The following FBXO33 variants were observed in gnomAD, a reference collection of about 807,000 sequenced individuals.
FBXO33 encodes F-box only protein 33.
FBXO33 carries 22 observed loss-of-function variants against 46.3 expected under a neutral mutation model. The ratio of observed to expected loss-of-function variants is 0.48; its 90% CI spans 0.34 to 0.68. FBXO33 has a LOEUF of 0.68. Ranked by LOEUF, FBXO33 falls within the 30% of genes least tolerant of loss-of-function variation. FBXO33 has a pLI of 0.01. For missense variants in FBXO33, 692 were observed against 708.8 expected (o/e 0.98, Z 0.27); for synonymous variants, 337 against 291.3 (o/e 1.16, Z -1.60).
At chr14:39,414,479 C>T (rs77529561) in intron 1 of FBXO33, among the ~76,000 whole-genome samples, 1,638 of 152,272 alleles carry the variant, frequency 0.011, 35 homozygotes, top group African/African-American at 0.038. Flanking sequence ...AAAACTTTTC[C>T]TTTGCATTCA....
intron 1 of FBXO33, among the ~76,000 whole-genome samples, chr14:39,419,863 A>C (rs975147081): frequency 6.6e-5 from 10 of 152,244 alleles, no homozygotes; most frequent in Non-Finnish European, 1.5e-4. Flanking sequence ...ATAGGATATA[A>C]GCTATTTACT....
At position 39,403,693 on chromosome 14, in the gene FBXO33, T is replaced by A. The variant is rs200178678; in HGVS notation, c.600-1182A>T. ...AAGAGAAAACTCCTAAGTCCAATAA[T>A]AACGAACTAGATATTTCATTTATAA... On this transcript the variant is annotated intron_variant, in intron 1 of 3. Transcript: ENST00000298097. 2.9e-4 allele frequency among the ~76,000 whole-genome samples: 44 copies of A among 152,178 alleles called. No individual in the cohort carries two copies. The East Asian group carries it at 7.1e-3, about 25-fold the overall frequency.
At chr14:39,399,903 T>C in intron 3 of FBXO33, 116 bp from the exon 4 acceptor site, 2 of 1,181,398 alleles carry the variant, frequency 1.7e-6, no homozygotes, top group Non-Finnish European at 2.3e-6. Flanking sequence ...GTATCTCACT[T>C]ACCGTTTTGG....
chr14:39,416,288 C>G (rs1456310082), intron 1 of FBXO33, among the ~76,000 whole-genome samples: 1 of 151,604 alleles, frequency 6.6e-6, no homozygotes, highest in Non-Finnish European at 1.5e-5. Context: ...GCGCTTATCT[C>G]ACTTACCTTT....
chr14:39,420,194 C>T (rs1291374250), intron 1 of FBXO33, among the ~76,000 whole-genome samples: 2 of 151,986 alleles, frequency 1.3e-5, no homozygotes, highest in African/African-American at 2.4e-5. Context: ...TATCTGTGGG[C>T]TTATTAGATT....
At position 39,431,874 on chromosome 14, in the gene FBXO33, G is replaced by A. The variant is rs1436620050; in HGVS notation, c.289C>T (p.His97Tyr). The part of the protein sequence containing the change: ...DRLRASASCS[H>Y]WRECLFYPAL... The stretch of plus-strand genomic sequence containing the variant: ...GGATAGAAGAGGCACTCACGCCAGT[G>A]CGAGCAGGAGGCCGAGGCCCGCAGC... The change falls in exon 1 of 4, where the codon CAC becomes TAC. Residue 97 changes from histidine to tyrosine, a missense_variant. By Grantham distance (83) the His-to-Tyr change is moderately conservative. Around this residue, in one of 3 missense-constraint regions of FBXO33, gnomAD observed 412 missense variants for 370.8 expected, o/e 1.11. Coordinates refer to ENST00000298097, the MANE Select transcript of FBXO33 (RefSeq NM_203301.4). 6.3e-7 allele frequency: 1 copy of A among 1,576,726 alleles called. No individual in the cohort carries two copies. Among genetic ancestry groups the A allele is most frequent in the South Asian group, 1.1e-5 (1 of 88,328 alleles).
intron 1 of FBXO33, among the ~76,000 whole-genome samples, chr14:39,409,601 A>G (rs1451113762): frequency 6.6e-6 from 1 of 152,014 alleles, no homozygotes; most frequent in Non-Finnish European, 1.5e-5. Flanking sequence ...TTGTTTTTCT[A>G]TTTCTGTAAA....
chr14:39,401,290 T>C lies in FBXO33; in HGVS notation c.1282A>G (p.Met428Val). The change falls in exon 3 of 4, where the codon ATG becomes GTG. Residue 428 changes from methionine (M) to valine (V), a missense_variant. This residue lies in a region of FBXO33 where 186 missense variants were observed against 246.1 expected (regional missense o/e 0.76). Transcript: ENST00000298097. ...CCAGATGTGTCAATCACATCATTCA[T>C]TAAAATAAAATGAGTGAGGAACTTG... ...YDKFLTHFILMNDVIDTSGFP... is the reference protein window; with the variant it reads ...YDKFLTHFILVNDVIDTSGFP... The C allele has an allele frequency of 6.2e-7, 1 of 1,614,114 alleles. No homozygotes were observed. Among genetic ancestry groups the C allele is most frequent in the Non-Finnish European group, 8.5e-7 (1 of 1,180,016 alleles).
chr14:39,420,546 G>A (rs2075477531), intron 1 of FBXO33, among the ~76,000 whole-genome samples: 3 of 152,184 alleles, frequency 2.0e-5, no homozygotes, highest in African/African-American at 7.2e-5. Flanking sequence ...AATTAGCCAG[G>A]CGTGGTGGTG....
intron 1 of FBXO33, among the ~76,000 whole-genome samples, chr14:39,404,201 T>C (rs1462306037): frequency 6.6e-6 from 1 of 152,218 alleles, no homozygotes; most frequent in Non-Finnish European, 1.5e-5. Context: ...TACCAGGAAC[T>C]GTGCTATATA....
At chr14:39,401,953 CA>C in intron 2 of FBXO33, 92 bp from the exon 3 acceptor site, 1 of 1,029,564 alleles carries the variant, frequency 9.7e-7, no homozygotes, top group South Asian at 1.6e-5. Flanking sequence ...GAAAAGCATG[CA>C]ATTTTGAGAT....
rs1451811652 is a variant in FBXO33 at position 39,399,181 on chromosome 14, G to C, written c.*335C>G. 5.7e-6 allele frequency: 1 copy of C among 174,106 alleles called. No homozygotes were observed. Among genetic ancestry groups the C allele is most frequent in the East Asian group, 1.6e-4 (1 of 6,444 alleles). The allele number at this position is 174,106 out of a possible 1,614,324, so 10.8% of individuals were successfully genotyped here. A position where few individuals can be genotyped will look rare whatever the true frequency, so the allele number is the denominator to read the frequency against. On this transcript the variant is annotated 3_prime_UTR_variant, in exon 4 of 4. Coordinates refer to ENST00000298097, the MANE Select transcript of FBXO33 (RefSeq NM_203301.4). ...AAAAATATTTTGGCTCCTGAGCTCT[G>C]AACTCTGACACACAAAGAATAAAAA...
At chr14:39,408,569 A>G (rs2148506) in intron 1 of FBXO33, among the ~76,000 whole-genome samples, 143,372 of 152,072 alleles carry the variant, frequency 0.94, 67,647 homozygotes, top group African/African-American at 0.96. Flanking sequence ...CTGGAGTGCA[A>G]TAGCACCATC....
chr14:39,419,833 T>C (rs1018228302), intron 1 of FBXO33, among the ~76,000 whole-genome samples: 2 of 152,236 alleles, frequency 1.3e-5, no homozygotes, highest in African/African-American at 4.8e-5. Context: ...TAATGTACTT[T>C]GATTCCTTTG....
chr14:39,410,543 G>C (rs1264220280), intron 1 of FBXO33, among the ~76,000 whole-genome samples: 1 of 152,206 alleles, frequency 6.6e-6, no homozygotes, highest in Non-Finnish European at 1.5e-5. Context: ...CACATAAAAT[G>C]AGTTTAGAAG....
chr14:39,416,623 A>G (rs1279283842), intron 1 of FBXO33, among the ~76,000 whole-genome samples: 1 of 150,738 alleles, frequency 6.6e-6, no homozygotes, highest in Non-Finnish European at 1.5e-5. Flanking sequence ...TGCTTATTGA[A>G]CTCCTGTAGT....
intron 1 of FBXO33, among the ~76,000 whole-genome samples, chr14:39,412,111 C>T (rs1015547919): frequency 2.6e-5 from 4 of 152,158 alleles, no homozygotes; most frequent in Non-Finnish European, 5.9e-5. Context: ...AGTGTTTCCT[C>T]ACTGATTTTC....
At chr14:39,404,779 C>G (rs1258106197) in intron 1 of FBXO33, among the ~76,000 whole-genome samples, 1 of 152,094 alleles carries the variant, frequency 6.6e-6, no homozygotes, top group African/African-American at 2.4e-5. Context: ...AGTAAGTGAA[C>G]ATGAAATGAT....
At chr14:39,426,666 G>A (rs183091203) in intron 1 of FBXO33, among the ~76,000 whole-genome samples, 269 of 151,992 alleles carry the variant, frequency 1.8e-3, no homozygotes, top group African/African-American at 5.8e-3. Context: ...TCCACTGCTC[G>A]AACAGACCAA....
Sources: gnomAD v4.1 joint callset for allele counts (sites outside exome capture counted in the v4.1 genomes callset) on GRCh38, gnomAD v4.1.1 for gene constraint, gnomAD v4.1.1 regional missense constraint, MANE v1.5 for transcripts, NCBI Gene and HGNC (gene_info 2026-07-23, HGNC 2026-07-21) for gene names.